Variants in ANO1 observed in about 807,000 individuals in gnomAD.
ANO1 encodes anoctamin-1.
A neutral mutation model predicts 124.0 loss-of-function variants in ANO1; 59 were observed. The ratio of observed to expected loss-of-function variants is 0.48; its 90% CI spans 0.39 to 0.59. The LOEUF (loss-of-function observed/expected upper bound fraction) is 0.59. ANO1 is among the 20% of genes least tolerant of loss of function. The probability of loss-of-function intolerance (pLI) is 0.00; values close to 1 mark genes in which losing one functional copy is unlikely to be tolerated. For missense variants in ANO1, 1,059 were observed against 1,328.0 expected (o/e 0.80, Z 3.15); for synonymous variants, 529 against 532.0 (o/e 0.99, Z 0.08).
intron 21 of ANO1, 58 bp from the exon 22 acceptor site, chr11:70,170,829 T>TC: frequency 1.3e-6 from 2 of 1,551,406 alleles, no homozygotes; most frequent in South Asian, 1.2e-5. Context: ...GGTGGTGGAG[T>TC]CCCCCCTTAT....
intron 8 of ANO1, among the ~76,000 whole-genome samples, chr11:70,120,490 A>C (rs1210985875): frequency 6.6e-6 from 1 of 152,046 alleles, no homozygotes; most frequent in East Asian, 1.9e-4. Context: ...GTTGTGGGGG[A>C]TTGATTCCAG....
chr11:70,055,018 TAA>T (rs1353927845), intron 1 of ANO1, among the ~76,000 whole-genome samples: 1 of 152,240 alleles, frequency 6.6e-6, no homozygotes, highest in Non-Finnish European at 1.5e-5. Context: ...GTTTTATAGA[TAA>T]GTTAGAAGAG....
At chr11:70,118,222 C>CCAGCCA (rs2046074224) in intron 8 of ANO1, among the ~76,000 whole-genome samples, 1 of 151,864 alleles carries the variant, frequency 6.6e-6, no homozygotes, top group African/African-American at 2.4e-5. Context: ...CCTCCATTCT[C>CCAGCCA]CAGCCACACT....
rs1314367311 is a variant in ANO1, at chr11:70,187,195, G to A, written c.2695-543G>A. Among the ~76,000 whole-genome samples, 4 of 152,208 alleles carry A rather than the reference G, an allele frequency of 2.6e-5. 1 individual carries two copies. The highest frequency in any genetic ancestry group is 4.4e-5 in the Non-Finnish European group (3 of 68,030). ...AGGGGGCACCAGCACCGCCCGTGGC[G>A]GGAACCTGCTCAGCCGGGGGTGCTC... is the stretch of plus-strand genomic sequence containing the variant. On this transcript the variant is annotated intron_variant, in intron 25 of 25. Coordinates refer to ENST00000355303, the MANE Select transcript of ANO1 (RefSeq NM_018043.7).
intron 10 of ANO1, among the ~76,000 whole-genome samples, chr11:70,127,297 C>T (rs2046562105): frequency 6.6e-6 from 1 of 152,126 alleles, no homozygotes; most frequent in Non-Finnish European, 1.5e-5. Context: ...TTCCACCTGC[C>T]CAGCTTCCTA....
At chr11:70,034,021 A>G (rs1051215937) in intron 1 of ANO1, among the ~76,000 whole-genome samples, 5 of 151,988 alleles carry the variant, frequency 3.3e-5, no homozygotes, top group Non-Finnish European at 5.9e-5. Context: ...CTTGAGGGCA[A>G]GCATCCCCCA....
At chr11:70,008,593 T>C (rs72937809) in intron 1 of ANO1, among the ~76,000 whole-genome samples, 42,689 of 151,780 alleles carry the variant, frequency 0.28, 6,522 homozygotes, top group African/African-American at 0.41. Context: ...TCTGTTCCAT[T>C]GGCCTATGCG....
At chr11:70,013,102 C>T (rs1043210876) in intron 1 of ANO1, among the ~76,000 whole-genome samples, 8 of 152,170 alleles carry the variant, frequency 5.3e-5, no homozygotes, top group Non-Finnish European at 7.3e-5. Context: ...ACATTTAATC[C>T]GGGACCTGAA....
rs188372108 is a variant in ANO1, at chr11:70,166,497, A to G, written c.2052-745A>G. On this transcript the variant is annotated intron_variant, in intron 20 of 25. Transcript: ENST00000355303. ...AGGGTTTCCAGATGGAGGCTGGGGGACTTGGCCTCGTTGTTACCTTGTACC... is the reference window on the plus strand; with the variant it reads ...AGGGTTTCCAGATGGAGGCTGGGGGGCTTGGCCTCGTTGTTACCTTGTACC... Among the ~76,000 whole-genome samples, 22 of 152,046 alleles carry G rather than the reference A, an allele frequency of 1.4e-4. No homozygotes were observed. The East Asian group carries it at 2.5e-3, about 17-fold the overall frequency.
rs187319047 is a variant in ANO1 at position 70,007,338 on chromosome 11, G to A, written c.58+21172G>A. 2.3e-3 allele frequency among the ~76,000 whole-genome samples: 339 copies of A among 144,258 alleles called. 1 individual carries two copies. The highest frequency in any genetic ancestry group is 7.9e-3 in the African/African-American group (306 of 38,810). The allele number at this position is 144,258 out of a possible 152,430, so 94.6% of individuals were successfully genotyped here. On this transcript the variant is annotated intron_variant, in intron 1 of 27. Coordinates refer to the ANO1 transcript ENST00000531349. The stretch of plus-strand genomic sequence containing the variant: ...GTCACCCAGGCTGGAGTGCAGTGGC[G>A]CGATCTCAGCTCACGGCAAGCTCCG...
chr11:69,980,538 G>A, the ANO1 span, among the ~76,000 whole-genome samples: 99 of 151,386 alleles, frequency 6.5e-4, no homozygotes, highest in African/African-American at 2.0e-3. Context: ...GGAGAATGGC[G>A]TGAACCCAGG....
intron 11 of ANO1, among the ~76,000 whole-genome samples, chr11:70,147,287 C>A (rs1027892509): frequency 6.6e-6 from 1 of 152,220 alleles, no homozygotes; most frequent in Non-Finnish European, 1.5e-5. Flanking sequence ...TGCTCCAGAG[C>A]AGCTACAGGG....
chr11:70,048,472 G>T (rs1857293779), intron 1 of ANO1, among the ~76,000 whole-genome samples: 1 of 151,908 alleles, frequency 6.6e-6, no homozygotes. Context: ...ATTAGGCAAT[G>T]GGGGGGTGGT....
intron 12 of ANO1, among the ~76,000 whole-genome samples, chr11:70,152,075 G>A (rs762912987): frequency 2.4e-4 from 36 of 152,250 alleles, no homozygotes; most frequent in Non-Finnish European, 2.4e-4. Flanking sequence ...GGTGGCTCAC[G>A]CCTGTAACCC....
chr11:70,049,201 C>T (rs782356708), intron 1 of ANO1, among the ~76,000 whole-genome samples: 1 of 152,136 alleles, frequency 6.6e-6, no homozygotes, highest in Non-Finnish European at 1.5e-5. Context: ...GGAAGCTCAG[C>T]TCCCACCACC....
At chr11:70,185,788 C>G (rs2049096331) in intron 25 of ANO1, 93 bp downstream of exon 25, 2 of 1,396,142 alleles carry the variant, frequency 1.4e-6, no homozygotes, top group African/African-American at 2.9e-5. Context: ...GCTGCTAAAG[C>G]CAGGGGTTCA....
chr11:70,100,680 C>T (rs183089037), intron 2 of ANO1, among the ~76,000 whole-genome samples: 11 of 152,314 alleles, frequency 7.2e-5, no homozygotes, highest in Admixed American at 3.9e-4. Context: ...CGCCTCAGGG[C>T]CTCAGTTTCC....
At chr11:69,982,737 G>T (rs1324276206), upstream of ANO1, among the ~76,000 whole-genome samples, 1 of 152,258 alleles carries the variant, frequency 6.6e-6, no homozygotes, top group Admixed American at 6.5e-5. Flanking sequence ...CACTCCTCCA[G>T]GCTGGAGGCT....
chr11:70,187,418 C>T (rs2049176603), intron 25 of ANO1, among the ~76,000 whole-genome samples: 2 of 152,202 alleles, frequency 1.3e-5, no homozygotes, highest in African/African-American at 2.4e-5. Flanking sequence ...TCCCCAAAGG[C>T]TCGATGCTCG....
Sources: allele counts gnomAD v4.1 joint callset (sites outside exome capture counted in the v4.1 genomes callset), GRCh38; gene constraint gnomAD v4.1.1; transcripts MANE v1.5; gene names NCBI Gene and HGNC (gene_info 2026-07-23, HGNC 2026-07-21).